Variants in CLTC observed in about 807,000 individuals in gnomAD.
CLTC encodes the protein clathrin heavy chain 1.
Under a neutral mutation model 195.8 loss-of-function variants are expected in CLTC, and 16 were observed. That is an observed-to-expected ratio of 0.08 (90% CI 0.06 to 0.12). The LOEUF is 0.12. Among genes scored for constraint, CLTC ranks in the 10% least tolerant of loss-of-function variants. The pLI is 1.00. For synonymous variants in CLTC, 667 were observed against 689.4 expected (o/e 0.97, Z 0.51); for missense variants, 796 against 2,027.0 (o/e 0.39, Z 11.66).
intron 9 of CLTC, 135 bp from the exon 10 acceptor site, chr17:59,664,652 G>T: frequency 1.2e-6 from 1 of 821,566 alleles, no homozygotes. Context: ...AGGTCTAACT[G>T]GGCACCTTAA....
chr17:59,692,673 G>C (rs1187781905), intron 31 of CLTC, among the ~76,000 whole-genome samples: 1 of 152,112 alleles, frequency 6.6e-6, no homozygotes, highest in Non-Finnish European at 1.5e-5. Flanking sequence ...GGTCTCGTCT[G>C]TCACCCAGGC....
Position 59,683,027 on chromosome 17 carries a change from CT to C in CLTC, c.3873+17del. On this transcript the variant is annotated intron_variant, in intron 24 of 31. Coordinates refer to ENST00000269122, the MANE Select transcript of CLTC (RefSeq NM_004859.4). The surrounding 1 kb of genome is among the most constrained non-coding windows in gnomAD (Gnocchi z 6.1). Reference sequence around the variant, plus strand: ...CAACTACTATCAGGTATTAACGAGACTTTTATATGACCTGAGATCTTTTACC... The same window carrying C: ...CAACTACTATCAGGTATTAACGAGACTTTATATGACCTGAGATCTTTTACC... 4.3e-6 allele frequency: 7 copies of C among 1,613,686 alleles called. No homozygotes were observed. Among genetic ancestry groups the C allele is most frequent in the Non-Finnish European group, 5.9e-6 (7 of 1,179,648 alleles).
intron 1 of CLTC, among the ~76,000 whole-genome samples, chr17:59,636,990 C>G (rs1168263981): frequency 6.7e-6 from 1 of 148,406 alleles, no homozygotes; most frequent in Non-Finnish European, 1.5e-5. Flanking sequence ...CCATGTTGGC[C>G]AGGCTGGTCT....
In CLTC at chr17:59,653,907, G is replaced by T. The variant is rs943590254; in HGVS notation, c.796-1947G>T. Among the ~76,000 whole-genome samples the T allele has an allele frequency of 3.3e-5, 5 of 151,774 alleles. No individual in the cohort carries two copies. The East Asian group carries it at 9.7e-4, about 29-fold the overall frequency. On this transcript the variant is annotated intron_variant, in intron 5 of 31. Coordinates refer to ENST00000269122, the MANE Select transcript of CLTC (RefSeq NM_004859.4). ...CATGCCTCAGCCTCCCGAGTAGCTG[G>T]GATTACAGGCACCCGCCACCACACC...
chr17:59,661,932 G>A (rs1051407535), intron 8 of CLTC, among the ~76,000 whole-genome samples: 3 of 151,886 alleles, frequency 2.0e-5, no homozygotes, highest in Non-Finnish European at 2.9e-5. Context: ...GAGAAACCCC[G>A]TCTCTACTAA....
intron 1 of CLTC, among the ~76,000 whole-genome samples, chr17:59,633,943 C>G (rs2031793735): frequency 6.6e-6 from 1 of 152,196 alleles, no homozygotes; most frequent in Non-Finnish European, 1.5e-5. Flanking sequence ...GGGTCTTGCT[C>G]TGTCACCCAG....
rs185415773 is a variant in CLTC, at chr17:59,673,026, T to G, written c.2293-621T>G. ...CTTCTATGTCAGTCTATAAGTAGGA[T>G]TGTAGTTTGGTATCTGTAATGGAAT... On this transcript the variant is annotated intron_variant, in intron 14 of 31. Coordinates refer to ENST00000269122, the MANE Select transcript of CLTC (RefSeq NM_004859.4). Among the ~76,000 whole-genome samples the G allele has an allele frequency of 3.8e-3, 581 of 152,232 alleles. 8 individuals are homozygous for G. The highest frequency in any genetic ancestry group is 6.8e-3 in the Middle Eastern group (2 of 294).
chr17:59,676,552 T>C (rs2032970232), intron 16 of CLTC, among the ~76,000 whole-genome samples: 1 of 152,210 alleles, frequency 6.6e-6, no homozygotes, highest in Non-Finnish European at 1.5e-5. Flanking sequence ...AAGTATATCA[T>C]ATAGCAGATA....
intron 15 of CLTC, 119 bp from the exon 16 acceptor site, chr17:59,674,582 A>G: frequency 1.1e-6 from 1 of 892,378 alleles, no homozygotes; most frequent in Non-Finnish European, 1.6e-6. Context: ...ACTGAATTTA[A>G]AAACTGAACT....
rs2032928298 is a variant in CLTC, at chr17:59,674,754, T to C, written c.2472T>C (p.Cys824=). The change falls in exon 16 of 32, where the codon TGT becomes TGC. Residue 824 remains cysteine, a synonymous_variant. Coordinates refer to ENST00000269122, the MANE Select transcript of CLTC (RefSeq NM_004859.4). ...TTGGAGGATTACTTGATGTTGACTG[T>C]TCTGAAGATGTCATAAAAAACTTGA... ...VVIGGLLDVD[C]SEDVIKNLIL... The C allele has an allele frequency of 1.9e-5, 30 of 1,613,328 alleles. No homozygotes were observed. Among genetic ancestry groups the C allele is most frequent in the Non-Finnish European group, 2.4e-5 (28 of 1,179,602 alleles).
chr17:59,673,506 A>G, intron 14 of CLTC, 141 bp from the exon 15 acceptor site: 3 of 624,864 alleles, frequency 4.8e-6, no homozygotes, highest in Non-Finnish European at 8.3e-6. Flanking sequence ...ACACTCAACT[A>G]TTGGGACATT....
intron 2 of CLTC, among the ~76,000 whole-genome samples, 179 bp from the exon 3 acceptor site, chr17:59,647,219 G>A (rs1057349275): frequency 6.6e-6 from 1 of 152,172 alleles, no homozygotes; most frequent in South Asian, 2.1e-4. Flanking sequence ...TGCTTAAAAC[G>A]TAGATGTAGA....
At chr17:59,651,089 C>T in intron 4 of CLTC, 114 bp from the exon 5 acceptor site, 1 of 664,798 alleles carries the variant, frequency 1.5e-6, no homozygotes, top group Non-Finnish European at 2.7e-6. Context: ...AACCATTTAA[C>T]ATTGATCTTC....
Position 59,685,135 on chromosome 17 carries a change from T to C in CLTC, c.4514T>C (p.Ile1505Thr), listed in dbSNP as rs774690176. ...LAQRLEKHEL[I>T]EFRRIAAYLF... is the part of the protein sequence containing the mutation. ...CAGCGTTTGGAAAAACATGAACTCA[T>C]TGAGTTCAGGAGAATTGCTGCTTAT... The change falls in exon 29 of 32, where the codon ATT becomes ACT. Residue 1505 changes from isoleucine to threonine, a missense_variant. By Grantham distance (89) the Ile-to-Thr change is moderately conservative. Coordinates refer to ENST00000269122, the MANE Select transcript of CLTC (RefSeq NM_004859.4). The surrounding 1 kb of genome is among the most constrained non-coding windows in gnomAD (Gnocchi z 5.0). 1.2e-6 allele frequency: 2 copies of C among 1,610,900 alleles called. No homozygotes were observed. Among genetic ancestry groups the C allele is most frequent in the Non-Finnish European group, 1.7e-6 (2 of 1,177,392 alleles).
In CLTC at chr17:59,694,752, A is replaced by T. The variant is rs1235713473; in HGVS notation, c.*900A>T. The T allele has an allele frequency of 8.9e-6, 2 of 225,556 alleles. No homozygotes were observed. The highest frequency in any genetic ancestry group is 1.8e-5 in the Non-Finnish European group (2 of 113,230). The allele number at this position is 225,556 out of a possible 1,614,324, so 14.0% of individuals were successfully genotyped here. A position where few individuals can be genotyped will look rare whatever the true frequency, so the allele number is the denominator to read the frequency against. ...AAATTACTCAAATTTAAAATAAATT[A>T]CTGGACTGTGGAAATAACATAGAAT... On this transcript the variant is annotated 3_prime_UTR_variant, in exon 32 of 32. Transcript: ENST00000269122.
intron 1 of CLTC, among the ~76,000 whole-genome samples, chr17:59,628,536 C>T (rs752368971): frequency 6.6e-6 from 1 of 152,150 alleles, no homozygotes; most frequent in Non-Finnish European, 1.5e-5. Context: ...TGAAGTTACA[C>T]CAGACTCTCT....
intron 18 of CLTC, among the ~76,000 whole-genome samples, chr17:59,680,706 T>C (rs1297191310): frequency 3.3e-5 from 5 of 152,246 alleles, no homozygotes; most frequent in Admixed American, 3.3e-4. Flanking sequence ...AGGGAAAAGA[T>C]AGAAATTATA....
intron 31 of CLTC, chr17:59,690,968 C>A: frequency 2.6e-6 from 1 of 380,334 alleles, no homozygotes; most frequent in Non-Finnish European, 4.7e-6. Flanking sequence ...TCATCTGGTC[C>A]CTCACGCATT....
intron 1 of CLTC, among the ~76,000 whole-genome samples, chr17:59,633,074 T>C (rs1369889246): frequency 6.6e-6 from 1 of 152,096 alleles, no homozygotes. Flanking sequence ...TTTAATGTCA[T>C]TTTGAACTCC....
Sources: allele counts gnomAD v4.1 joint callset (sites outside exome capture counted in the v4.1 genomes callset), GRCh38; gene constraint gnomAD v4.1.1; non-coding constraint Gnocchi (gnomAD v3.1); transcripts MANE v1.5; gene names NCBI Gene and HGNC (gene_info 2026-07-23, HGNC 2026-07-21).